The following COMMD10 variants were observed in gnomAD, a reference collection of about 807,000 sequenced individuals.
The protein encoded by COMMD10 is COMM domain-containing protein 10.
A neutral mutation model predicts 28.9 loss-of-function variants in COMMD10; 33 were observed. The observed-to-expected ratio is 1.14, with a 90% CI of 0.87 to 1.53. COMMD10 has a LOEUF of 1.53. COMMD10 is among the 40% of genes most tolerant of loss of function. The probability of loss-of-function intolerance (pLI) is 0.00; values close to 1 mark genes in which losing one functional copy is unlikely to be tolerated. For missense variants in COMMD10, 310 were observed against 233.4 expected, an observed-to-expected ratio of 1.33 and a Z score of -2.14; for synonymous variants, 110 against 81.7, an observed-to-expected ratio of 1.35 and a Z score of -1.87.
rs533593628 is a variant in COMMD10 at position 116,129,782 on chromosome 5, A to G, written c.400-4286A>G. 3.3e-4 allele frequency among the ~76,000 whole-genome samples: 13 copies of G among 39,270 alleles called. 1 individual carries two copies. Among genetic ancestry groups the G allele is most frequent in the South Asian group, 1.3e-3 (1 of 782 alleles). 25.8% of individuals were successfully genotyped at this position (39,270 alleles called of 152,430 possible). On this transcript the variant is annotated intron_variant, in intron 4 of 6. Coordinates refer to ENST00000274458, the MANE Select transcript of COMMD10 (RefSeq NM_016144.4). ...TATATACTATATAATATACATTAGT[A>G]TATATATACTATATACTATATAATA...
intron 5 of COMMD10, among the ~76,000 whole-genome samples, chr5:116,214,207 A>G (rs1433372043): frequency 6.6e-6 from 1 of 152,156 alleles, no homozygotes; most frequent in African/African-American, 2.4e-5. Context: ...GTAGAACCAT[A>G]AAGTTGTAAA....
intron 5 of COMMD10, among the ~76,000 whole-genome samples, chr5:116,259,548 T>G (rs1476206341): frequency 2.0e-5 from 3 of 151,726 alleles, no homozygotes; most frequent in Non-Finnish European, 4.4e-5. Flanking sequence ...TTTGGTTGTT[T>G]GTTGTTTGTT....
At position 116,270,664 on chromosome 5, in the gene COMMD10, C is replaced by T. The variant is rs1468280953; in HGVS notation, c.511-20853C>T. The stretch of plus-strand genomic sequence containing the variant: ...GGTTATATATAAATTAGGACGGACA[C>T]GGTGGCTCACACCTGTAATCCCAGC... On this transcript the variant is annotated intron_variant, in intron 5 of 6. Transcript: ENST00000274458. Among the ~76,000 whole-genome samples the T allele has an allele frequency of 2.6e-5, 4 of 151,652 alleles. No individual in the cohort carries two copies. The South Asian group carries it at 6.2e-4, about 24-fold the overall frequency.
chr5:116,129,246 A>C (rs184668828), intron 4 of COMMD10, among the ~76,000 whole-genome samples: 2 of 151,006 alleles, frequency 1.3e-5, no homozygotes, highest in East Asian at 3.9e-4. Flanking sequence ...AATTGTTTAC[A>C]TTTGTTTTAC....
chr5:116,099,105 C>T (rs150039164), intron 4 of COMMD10, among the ~76,000 whole-genome samples: 1 of 152,154 alleles, frequency 6.6e-6, no homozygotes, highest in African/African-American at 2.4e-5. Flanking sequence ...AAAGTTGTAC[C>T]CTCTGACCAG....
At chr5:116,180,429 G>A (rs1747918206) in intron 5 of COMMD10, among the ~76,000 whole-genome samples, 1 of 152,066 alleles carries the variant, frequency 6.6e-6, no homozygotes, top group Non-Finnish European at 1.5e-5. Flanking sequence ...TGGAGTACAA[G>A]AGAAGTGGGT....
intron 5 of COMMD10, among the ~76,000 whole-genome samples, chr5:116,217,742 A>G (rs1749141651): frequency 6.6e-6 from 1 of 152,126 alleles, no homozygotes; most frequent in African/African-American, 2.4e-5. Context: ...CAAGGTGGCC[A>G]TATGTGTCAA....
At chr5:116,264,023 T>G (rs1750518750) in intron 5 of COMMD10, among the ~76,000 whole-genome samples, 1 of 151,720 alleles carries the variant, frequency 6.6e-6, no homozygotes, top group African/African-American at 2.4e-5. Context: ...AGATTAAGAG[T>G]TAGACAGCTA....
chr5:116,232,779 A>T (rs376600444), intron 5 of COMMD10, among the ~76,000 whole-genome samples: 1 of 152,190 alleles, frequency 6.6e-6, no homozygotes, highest in South Asian at 2.1e-4. Context: ...TTCATTAGAC[A>T]TGAAATTACA....
intron 5 of COMMD10, 140 bp from the exon 6 acceptor site, chr5:116,291,377 G>GGGT: frequency 1.6e-6 from 1 of 609,330 alleles, no homozygotes; most frequent in Non-Finnish European, 2.9e-6. Context: ...AGGAATCATG[G>GGGT]GGTTGAGTAG....
At chr5:116,229,608 G>T (rs76871690) in intron 5 of COMMD10, among the ~76,000 whole-genome samples, 2,009 of 152,078 alleles carry the variant, frequency 0.013, 54 homozygotes, top group African/African-American at 0.046. Flanking sequence ...GTATGATTTT[G>T]CACTAAAGTA....
intron 5 of COMMD10, among the ~76,000 whole-genome samples, chr5:116,201,058 T>G (rs1251110376): frequency 1.3e-5 from 2 of 152,130 alleles, no homozygotes; most frequent in African/African-American, 2.4e-5. Context: ...CCTTCTCCAG[T>G]TGGACAGATG....
intron 5 of COMMD10, among the ~76,000 whole-genome samples, chr5:116,147,992 T>G (rs1332578948): frequency 6.6e-6 from 1 of 151,886 alleles, no homozygotes; most frequent in Non-Finnish European, 1.5e-5. Flanking sequence ...TTTAAATGAC[T>G]ACATAGGATT....
At chr5:116,163,778 C>G (rs2112570531) in intron 5 of COMMD10, among the ~76,000 whole-genome samples, 1 of 152,140 alleles carries the variant, frequency 6.6e-6, no homozygotes, top group African/African-American at 2.4e-5. Flanking sequence ...GTTTAGAATA[C>G]TTTCTATGCT....
At chr5:116,111,545 ATTG>A (rs1323930291) in intron 4 of COMMD10, among the ~76,000 whole-genome samples, 3 of 150,718 alleles carry the variant, frequency 2.0e-5, no homozygotes, top group Non-Finnish European at 3.0e-5. Flanking sequence ...TCAGGGGCAT[ATTG>A]TTTAATTTTT....
chr5:116,251,913 A>G (rs62385977), intron 5 of COMMD10, among the ~76,000 whole-genome samples: 53,873 of 148,062 alleles, frequency 0.36, 12,384 homozygotes, highest in African/African-American at 0.66. Flanking sequence ...CCCACCAACA[A>G]TGTAAAAGTG....
intron 5 of COMMD10, among the ~76,000 whole-genome samples, chr5:116,222,444 C>T (rs1749284408): frequency 6.6e-6 from 1 of 152,028 alleles, no homozygotes; most frequent in Non-Finnish European, 1.5e-5. Flanking sequence ...GTCTTATATT[C>T]AAATTATATT....
intron 5 of COMMD10, among the ~76,000 whole-genome samples, chr5:116,205,661 TA>T (rs1748792657): frequency 6.6e-6 from 1 of 152,178 alleles, no homozygotes; most frequent in African/African-American, 2.4e-5. Flanking sequence ...TGTGTATCTG[TA>T]TGTTCCTTTC....
chr5:116,176,195 T>G (rs933799090), intron 5 of COMMD10, among the ~76,000 whole-genome samples: 1 of 152,184 alleles, frequency 6.6e-6, no homozygotes, highest in Admixed American at 6.5e-5. Context: ...CTCTGCAACC[T>G]CCACCTACAA....
Sources: allele counts gnomAD v4.1 joint callset (sites outside exome capture counted in the v4.1 genomes callset), GRCh38; gene constraint gnomAD v4.1.1; transcripts MANE v1.5; gene names NCBI Gene and HGNC (gene_info 2026-07-23, HGNC 2026-07-21).